Variants in USP15 observed in about 807,000 individuals in gnomAD.
The protein encoded by USP15 is ubiquitin specific peptidase 15, also known as ubiquitin carboxyl-terminal hydrolase 15.
In USP15, 18 loss-of-function variants were observed where a neutral mutation model predicts 127.1. That is an observed-to-expected ratio of 0.14 (90% CI 0.10 to 0.21). The LOEUF (loss-of-function observed/expected upper bound fraction) is 0.21, where lower values mean the gene tolerates loss of function less well. Ranked by LOEUF, USP15 falls within the 10% of genes least tolerant of loss-of-function variation. The probability of loss-of-function intolerance (pLI) is 1.00; values close to 1 mark genes in which losing one functional copy is unlikely to be tolerated. For missense variants in USP15, 805 were observed against 1,159.9 expected (o/e 0.69, Z 4.44); for synonymous variants, 364 against 393.7 (o/e 0.92, Z 0.89).
At chr12:62,275,617 T>A (rs1244001533) in intron 1 of USP15, among the ~76,000 whole-genome samples, 1 of 151,084 alleles carries the variant, frequency 6.6e-6, no homozygotes, top group Non-Finnish European at 1.5e-5. Context: ...AATACGAGAG[T>A]TGAGAGGTGA....
intron 2 of USP15, 32 bp from the exon 3 acceptor site, chr12:62,302,758 G>A (rs1313201404): frequency 3.2e-6 from 5 of 1,587,154 alleles, no homozygotes; most frequent in Admixed American, 1.8e-5. Flanking sequence ...AGTATTTAGA[G>A]TTAGGTATTG....
Position 62,392,321 on chromosome 12 carries a change from T to C in USP15, c.2354T>C (p.Phe785Ser). The C allele has an allele frequency of 6.2e-7, 1 of 1,608,732 alleles. No homozygotes were observed. The highest frequency in any genetic ancestry group is 8.5e-7 in the Non-Finnish European group (1 of 1,178,234). ...GAGTATAAACCTCCTAAAAAACCCT[T>C]TGTGAAATTAAAAGATTGCATTGAA... ...SVEYKPPKKP[F>S]VKLKDCIELF... The change falls in exon 18 of 22, where the codon TTT becomes TCT. Residue 785 changes from phenylalanine to serine, a missense_variant. Physicochemically the swap from Phe to Ser is radical, Grantham distance 155. Transcript: ENST00000280377.
Position 62,398,956 on chromosome 12 carries a change from G to C in USP15, c.2675-2231G>C, listed in dbSNP as rs930905450. ...ATTATACTTATGTTCATAATGGGTA[G>C]CTCTTCTTTCTCTGTTCCTTTTAAC... On this transcript the variant is annotated intron_variant, in intron 20 of 21. Coordinates refer to ENST00000280377, the MANE Select transcript of USP15 (RefSeq NM_001252078.2). 6.6e-5 allele frequency among the ~76,000 whole-genome samples: 10 copies of C among 152,076 alleles called. 1 individual carries two copies.
intron 6 of USP15, chr12:62,328,267 C>T (rs776384239): frequency 2.2e-6 from 1 of 451,400 alleles, no homozygotes; most frequent in South Asian, 1.6e-5. Flanking sequence ...ACCGAGAGAT[C>T]AGCAATCTTT....
Position 62,381,615 on chromosome 12 carries a change from G to C in USP15, c.1041G>C (p.Lys347Asn). The C allele has an allele frequency of 6.2e-7, 1 of 1,612,770 alleles. No homozygotes were observed. Residue 347 changes from lysine (K) to asparagine (N), a missense_variant, in exon 9 of 22, where the codon AAG becomes AAC. Transcript: ENST00000280377. ...EIAKSYAELI[K>N]QMWSGKFSYV... ...CTAAATCTTATGCCGAACTGATCAA[G>C]CAAATGTGGTCTGGAAAGTTTAGCT... is the stretch of plus-strand genomic sequence containing the variant.
chr12:62,310,963 A>G (rs1324224918), intron 3 of USP15, among the ~76,000 whole-genome samples: 2 of 151,874 alleles, frequency 1.3e-5, no homozygotes, highest in East Asian at 3.9e-4. Context: ...TTTGATTTGC[A>G]TTTCTCTGAT....
chr12:62,277,138 T>A (rs1205677947), intron 1 of USP15, among the ~76,000 whole-genome samples: 1 of 152,146 alleles, frequency 6.6e-6, no homozygotes, highest in Non-Finnish European at 1.5e-5. Context: ...TCTGGCAGAT[T>A]TTGGATAACC....
rs140368605 is a variant in USP15, at chr12:62,394,756, G to A, written c.2571-1539G>A. On this transcript the variant is annotated intron_variant, in intron 19 of 21. Coordinates refer to ENST00000280377, the MANE Select transcript of USP15 (RefSeq NM_001252078.2). ...CCCAGCTACTCGGGAGGCTAAGGCAGGGGAATCGCTTGAACCCAGGAGGCG... is the reference window on the plus strand; with the variant it reads ...CCCAGCTACTCGGGAGGCTAAGGCAAGGGAATCGCTTGAACCCAGGAGGCG... Among the ~76,000 whole-genome samples, 270 of 152,186 alleles carry A rather than the reference G, an allele frequency of 1.8e-3. 1 individual carries two copies. The highest frequency in any genetic ancestry group is 6.4e-3 in the African/African-American group (266 of 41,528).
At chr12:62,281,519 A>T (rs1366288692) in intron 1 of USP15, among the ~76,000 whole-genome samples, 2 of 152,038 alleles carry the variant, frequency 1.3e-5, no homozygotes, top group African/African-American at 4.8e-5. Flanking sequence ...TTGTATTTTT[A>T]GTGGAGACGG....
At chr12:62,285,105 T>C in intron 1 of USP15, among the ~76,000 whole-genome samples, 1 of 152,314 alleles carries the variant, frequency 6.6e-6, no homozygotes, top group East Asian at 1.9e-4. Context: ...GATTATACTT[T>C]CTATTAATAT....
Position 62,387,804 on chromosome 12 carries a change from T to C in USP15, c.1474-1627T>C, listed in dbSNP as rs536224753. On this transcript the variant is annotated intron_variant, in intron 11 of 21. Transcript: ENST00000280377. Reference sequence around the variant, plus strand: ...GGTACCCTTGTTTTTTGAGAGACTTTATATTCCAATGCTTATGCAAGAGTT... The same window carrying C: ...GGTACCCTTGTTTTTTGAGAGACTTCATATTCCAATGCTTATGCAAGAGTT... Among the ~76,000 whole-genome samples the C allele has an allele frequency of 1.5e-4, 23 of 152,278 alleles. No homozygotes were observed. The South Asian group carries it at 4.8e-3, about 32-fold the overall frequency.
At chr12:62,332,462 A>G (rs2065333146) in intron 6 of USP15, among the ~76,000 whole-genome samples, 1 of 152,092 alleles carries the variant, frequency 6.6e-6, no homozygotes, top group Non-Finnish European at 1.5e-5. Flanking sequence ...GTTCTATTGC[A>G]GACGTGTAGC....
intron 3 of USP15, 46 bp downstream of exon 3, chr12:62,302,966 A>G (rs774671310): frequency 6.4e-7 from 1 of 1,562,754 alleles, no homozygotes; most frequent in Non-Finnish European, 8.7e-7. Context: ...TTTCTTGATT[A>G]GTTCACATTT....
intron 1 of USP15, among the ~76,000 whole-genome samples, chr12:62,283,403 G>A (rs1335597882): frequency 6.6e-6 from 1 of 152,010 alleles, no homozygotes; most frequent in African/African-American, 2.4e-5. Flanking sequence ...ACCTAGTGGT[G>A]AAACTTTAAA....
rs1318590768 is a variant in USP15 at position 62,414,844 on chromosome 12, T to C, written c.*10469T>C. 6.6e-6 allele frequency: 1 copy of C among 151,912 alleles called. No individual in the cohort carries two copies. The highest frequency in any genetic ancestry group is 1.5e-5 in the Non-Finnish European group (1 of 67,998). The allele number at this position is 151,912 out of a possible 1,614,324, so 9.4% of individuals were successfully genotyped here. A position where few individuals can be genotyped will look rare whatever the true frequency, so the allele number is the denominator to read the frequency against. ...TAAAAAAAAAAAAAATGAGATCCTG[T>C]TTCTGTCTTAAAGTTCTCTTCTAAT... On this transcript the variant is annotated 3_prime_UTR_variant, in exon 22 of 22. Transcript: ENST00000280377.
At chr12:62,268,189 G>A (rs956527317) in intron 1 of USP15, among the ~76,000 whole-genome samples, 4 of 151,940 alleles carry the variant, frequency 2.6e-5, no homozygotes, top group African/African-American at 9.7e-5. Context: ...ATACATGGTA[G>A]TATTCTCATT....
rs967725630 is a variant in USP15, at chr12:62,411,104, G to C, written c.*6729G>C. 2.0e-5 allele frequency: 3 copies of C among 152,098 alleles called. No individual in the cohort carries two copies. The highest frequency in any genetic ancestry group is 7.2e-5 in the African/African-American group (3 of 41,424). The allele number at this position is 152,098 out of a possible 1,614,324, so 9.4% of individuals were successfully genotyped here. On this transcript the variant is annotated 3_prime_UTR_variant, in exon 22 of 22. Coordinates refer to ENST00000280377, the MANE Select transcript of USP15 (RefSeq NM_001252078.2). ...AGATGTTTGTGTTTTTAGCTGCTAA[G>C]CTTTAATTTGTTTATGCAGAAATAA...
intron 1 of USP15, among the ~76,000 whole-genome samples, chr12:62,274,822 CAG>C (rs1297502185): frequency 6.6e-6 from 1 of 152,032 alleles, no homozygotes; most frequent in South Asian, 2.1e-4. Context: ...AGATTTTAAA[CAG>C]AAGTGAGATG....
chr12:62,371,331 C>T (rs957116635), intron 8 of USP15, among the ~76,000 whole-genome samples: 3 of 152,066 alleles, frequency 2.0e-5, no homozygotes, highest in Non-Finnish European at 4.4e-5. Context: ...TGGACAAATA[C>T]GTATTATGTG....
Sources: gnomAD v4.1 joint callset for allele counts (sites outside exome capture counted in the v4.1 genomes callset) on GRCh38, gnomAD v4.1.1 for gene constraint, MANE v1.5 for transcripts, NCBI Gene and HGNC (gene_info 2026-07-23, HGNC 2026-07-21) for gene names.